COPS6: variants seen among roughly 807,000 people sequenced by gnomAD.
The protein encoded by COPS6 is COP9 signalosome subunit 6.
In COPS6, 9 loss-of-function variants were observed where a neutral mutation model predicts 41.0. The observed-to-expected ratio is 0.22, with a 90% CI of 0.13 to 0.38. COPS6 has a LOEUF of 0.38. Among genes scored for constraint, COPS6 ranks in the 10% least tolerant of loss-of-function variants. The pLI, the probability that COPS6 is intolerant of heterozygous loss-of-function variation, is 1.00. For missense variants in COPS6, 302 were observed against 436.7 expected, an observed-to-expected ratio of 0.69 and a Z score of 2.75; for synonymous variants, 179 against 162.9, an observed-to-expected ratio of 1.10 and a Z score of -0.75.
chr7:100,089,408 T>C lies in COPS6; in HGVS notation c.195T>C (p.Pro65=). The C allele has an allele frequency of 6.2e-7, 1 of 1,614,124 alleles. No individual in the cohort carries two copies. The highest frequency in any genetic ancestry group is 8.5e-7 in the Non-Finnish European group (1 of 1,180,024). ...WIRMRSQEGR[P]VQVIGALIGK... is the part of the protein sequence containing the mutation. Reference sequence around the variant, plus strand: ...GCATGCGCTCCCAGGAGGGGCGGCCTGTGCAGGGTGAGTGTTGGGCATAGA... The same window carrying C: ...GCATGCGCTCCCAGGAGGGGCGGCCCGTGCAGGGTGAGTGTTGGGCATAGA... The change falls in exon 2 of 10, where the codon CCT becomes CCC. Residue 65 remains proline (P), a synonymous_variant. Transcript: ENST00000303904.
chr7:100,090,668 C>T lies in COPS6; in HGVS notation c.486+14C>T. The T allele has an allele frequency of 6.2e-7, 1 of 1,610,066 alleles. No homozygotes were observed. Among genetic ancestry groups the T allele is most frequent in the Non-Finnish European group, 8.5e-7 (1 of 1,176,318 alleles). On this transcript the variant is annotated intron_variant, in intron 5 of 9. Coordinates refer to ENST00000303904, the MANE Select transcript of COPS6 (RefSeq NM_006833.5). The stretch of plus-strand genomic sequence containing the variant: ...AAGCACACAGATGTGAGTAATACTC[C>T]ATGCCTACTCTGTCATGATTGTCGC...
chr7:100,089,573 G>C, intron 2 of COPS6, 42 bp from the exon 3 acceptor site: 1 of 1,604,430 alleles, frequency 6.2e-7, no homozygotes, highest in South Asian at 1.1e-5. Flanking sequence ...GGTCATAGAA[G>C]TTTCTTTACC....
Position 100,088,989 on chromosome 7 carries a change from A to G in COPS6, c.-2A>G. ...GGGCCGAGGCTGGCGGGCGCGGGGA[A>G]AATGGCGGCGGCGGCGGCGGCGGCT... On this transcript the variant is annotated 5_prime_UTR_variant, in exon 1 of 10. Transcript: ENST00000303904. 7.6e-7 allele frequency: 1 copy of G among 1,309,590 alleles called. No homozygotes were observed. The highest frequency in any genetic ancestry group is 2.5e-5 in the South Asian group (1 of 39,348). The allele number at this position is 1,309,590 out of a possible 1,614,324, so 81.1% of individuals were successfully genotyped here.
Position 100,091,430 on chromosome 7 carries a change from C to G in COPS6, c.753C>G (p.Pro251=), listed in dbSNP as rs771143512. The change falls in exon 9 of 10, where the codon CCC becomes CCG. Residue 251 remains proline (P), a synonymous_variant. Transcript: ENST00000303904. This position sits in a 1 kb window ranked among gnomAD's most constrained non-coding sequence, Gnocchi z 4.1. The part of the protein sequence containing the change: ...YVKASEAGEV[P]FNHEILREAY... Reference sequence around the variant, plus strand: ...TTTTTGTGCCTTTAGGAGAGGTCCCCTTTAATCATGAGATCCTGCGGGAGG... The same window carrying G: ...TTTTTGTGCCTTTAGGAGAGGTCCCGTTTAATCATGAGATCCTGCGGGAGG... The G allele has an allele frequency of 1.9e-6, 3 of 1,614,186 alleles. No homozygotes were observed. The highest frequency in any genetic ancestry group is 2.5e-6 in the Non-Finnish European group (3 of 1,180,002).
chr7:100,091,511 T>G lies in COPS6; in HGVS notation c.834T>G (p.Asp278Glu). The change falls in exon 9 of 10, where the codon GAT becomes GAG. Residue 278 changes from aspartate (D) to glutamate (E), a missense_variant. This residue lies in a region of COPS6 where 222 missense variants were observed against 309.0 expected (regional missense o/e 0.72). Coordinates refer to ENST00000303904, the MANE Select transcript of COPS6 (RefSeq NM_006833.5). This position sits in a 1 kb window ranked among gnomAD's most constrained non-coding sequence, Gnocchi z 4.1. ...TCAGCACAGACAAGTTCAAGACAGATTTTTATGATGTGAGTGTAAAACCCG... is the reference window on the plus strand; with the variant it reads ...TCAGCACAGACAAGTTCAAGACAGAGTTTTATGATGTGAGTGTAAAACCCG... ...PVLSTDKFKT[D>E]FYDQCNDVGL... is the part of the protein sequence containing the mutation. 1 of 1,614,128 alleles carries G rather than the reference T, an allele frequency of 6.2e-7. No individual in the cohort carries two copies. The highest frequency in any genetic ancestry group is 8.5e-7 in the Non-Finnish European group (1 of 1,179,984).
In COPS6 at chr7:100,091,165, A is replaced by T. The variant is rs1795310603; in HGVS notation, c.649+13A>T. ...GAGAACTCCACTGGTAATGGAGGGG[A>T]TTCCTTGGAAGTGGGGTTGGAAGGT... On this transcript the variant is annotated intron_variant, in intron 7 of 9. Transcript: ENST00000303904. The surrounding 1 kb of genome is among the most constrained non-coding windows in gnomAD (Gnocchi z 4.1). 2 of 1,613,790 alleles carry T rather than the reference A, an allele frequency of 1.2e-6. No individual in the cohort carries two copies. Among genetic ancestry groups the T allele is most frequent in the Non-Finnish European group, 1.7e-6 (2 of 1,179,704 alleles).
Position 100,089,381 on chromosome 7 carries a change from C to T in COPS6, c.168C>T (p.Ile56=), listed in dbSNP as rs369283004. The T allele has an allele frequency of 1.9e-6, 3 of 1,614,016 alleles. No individual in the cohort carries two copies. Among genetic ancestry groups the T allele is most frequent in the Non-Finnish European group, 2.5e-6 (3 of 1,180,034 alleles). ...TTCTCAACATCTCAGACCACTGGATCCGCATGCGCTCCCAGGAGGGGCGGC... is the reference window on the plus strand; with the variant it reads ...TTCTCAACATCTCAGACCACTGGATTCGCATGCGCTCCCAGGAGGGGCGGC... ...LVILNISDHW[I]RMRSQEGRPV... is the part of the protein sequence containing the mutation. Residue 56 remains isoleucine (I), a synonymous_variant, in exon 2 of 10, where the codon ATC becomes ATT. Coordinates refer to ENST00000303904, the MANE Select transcript of COPS6 (RefSeq NM_006833.5).
Position 100,091,839 on chromosome 7 carries a change from G to C in COPS6, c.*50G>C. On this transcript the variant is annotated 3_prime_UTR_variant, in exon 10 of 10. Transcript: ENST00000303904. The surrounding 1 kb of genome is among the most constrained non-coding windows in gnomAD (Gnocchi z 4.1). ...ACAGGGGTCAGGCAACTATCCCAAA[G>C]GGGAGGGCACTACACTTCCTTGAGA... 1 of 1,611,790 alleles carries C rather than the reference G, an allele frequency of 6.2e-7. No individual in the cohort carries two copies. Among genetic ancestry groups the C allele is most frequent in the Non-Finnish European group, 8.5e-7 (1 of 1,178,148 alleles).
rs1299035253 is a variant in COPS6, at chr7:100,091,809, G to GAT, written c.*21_*22dup. On this transcript the variant is annotated 3_prime_UTR_variant, in exon 10 of 10. Coordinates refer to ENST00000303904, the MANE Select transcript of COPS6 (RefSeq NM_006833.5). This position sits in a 1 kb window ranked among gnomAD's most constrained non-coding sequence, Gnocchi z 4.1. The stretch of plus-strand genomic sequence containing the variant: ...TTCTGATGAGGGTACTTGAAGGGCT[G>GAT]ATGGACAGGGGTCAGGCAACTATCC... 1 of 1,614,020 alleles carries GAT rather than the reference G, an allele frequency of 6.2e-7. No individual in the cohort carries two copies. Among genetic ancestry groups the GAT allele is most frequent in the Non-Finnish European group, 8.5e-7 (1 of 1,179,968 alleles).
At position 100,091,109 on chromosome 7, in the gene COPS6, C is replaced by T. The variant is rs141931608; in HGVS notation, c.606C>T (p.His202=). The T allele has an allele frequency of 8.4e-4, 1,357 of 1,614,228 alleles. 2 individuals carry two copies. Among genetic ancestry groups the T allele is most frequent in the Non-Finnish European group, 1.1e-3 (1,272 of 1,180,042 alleles). ...AAGCGGAACGCATTGGTGTAGACCA[C>T]GTAGCCCGAATGACAGCAACAGGCA... ...TEEAERIGVD[H]VARMTATGSG... is the part of the protein sequence containing the mutation. The change falls in exon 7 of 10, where the codon CAC becomes CAT. Residue 202 remains histidine, a synonymous_variant. Coordinates refer to ENST00000303904, the MANE Select transcript of COPS6 (RefSeq NM_006833.5). The surrounding 1 kb of genome is among the most constrained non-coding windows in gnomAD (Gnocchi z 4.1).
chr7:100,091,747 C>T lies in COPS6; in HGVS notation c.942C>T (p.Asp314=). The part of the protein sequence containing the change: ...QFVNKFNVLY[D]RQGIGRRMRG... ...TGAACAAGTTCAATGTCCTCTACGA[C>T]CGACAAGGCATCGGCAGGAGAATGC... The change falls in exon 10 of 10, where the codon GAC becomes GAT. Residue 314 remains aspartate (D), a synonymous_variant. Transcript: ENST00000303904. This position sits in a 1 kb window ranked among gnomAD's most constrained non-coding sequence, Gnocchi z 4.1. 1 of 1,614,220 alleles carries T rather than the reference C, an allele frequency of 6.2e-7. No homozygotes were observed. The highest frequency in any genetic ancestry group is 1.1e-5 in the South Asian group (1 of 91,076).
At position 100,091,674 on chromosome 7, in the gene COPS6, C is replaced by T; in HGVS notation, c.869C>T (p.Ala290Val). ...CAATGCAACGACGTGGGGCTCATGG[C>T]CTACCTCGGCACCATCACCAAAACG... is the stretch of plus-strand genomic sequence containing the variant. ...YDQCNDVGLMAYLGTITKTCN... is the reference protein window; with the variant it reads ...YDQCNDVGLMVYLGTITKTCN... Residue 290 changes from alanine (A) to valine (V), a missense_variant, in exon 10 of 10, where the codon GCC becomes GTC. Coordinates refer to ENST00000303904, the MANE Select transcript of COPS6 (RefSeq NM_006833.5). This position sits in a 1 kb window ranked among gnomAD's most constrained non-coding sequence, Gnocchi z 4.1. The T allele has an allele frequency of 1.2e-6, 2 of 1,614,216 alleles. No homozygotes were observed. The highest frequency in any genetic ancestry group is 1.7e-6 in the Non-Finnish European group (2 of 1,180,042).
rs1367570179 is a variant in COPS6, at chr7:100,091,137, G to A, written c.634G>A (p.Gly212Arg). Residue 212 changes from glycine to arginine, a missense_variant, in exon 7 of 10, where the codon GGA becomes AGA. Around this residue, in one of 3 missense-constraint regions of COPS6, gnomAD observed 222 missense variants for 309.0 expected, o/e 0.72. Coordinates refer to ENST00000303904, the MANE Select transcript of COPS6 (RefSeq NM_006833.5). This position sits in a 1 kb window ranked among gnomAD's most constrained non-coding sequence, Gnocchi z 4.1. ...AGCCCGAATGACAGCAACAGGCAGT[G>A]GAGAGAACTCCACTGGTAATGGAGG... is the stretch of plus-strand genomic sequence containing the variant. ...HVARMTATGS[G>R]ENSTVAEHLI... The A allele has an allele frequency of 6.2e-7, 1 of 1,614,228 alleles. No homozygotes were observed. The highest frequency in any genetic ancestry group is 8.5e-7 in the Non-Finnish European group (1 of 1,180,044).
In COPS6 at chr7:100,091,557, G is replaced by A; in HGVS notation, c.843+37G>A. 3 of 1,613,822 alleles carry A rather than the reference G, an allele frequency of 1.9e-6. No homozygotes were observed. The highest frequency in any genetic ancestry group is 2.5e-6 in the Non-Finnish European group (3 of 1,179,714). On this transcript the variant is annotated intron_variant, in intron 9 of 9. Transcript: ENST00000303904. This position sits in a 1 kb window ranked among gnomAD's most constrained non-coding sequence, Gnocchi z 4.1. ...ACCCGGATGGGGAGGCGGGGCTTATGCTGTCACTTTCACGTGCAGGACTGG... is the reference window on the plus strand; with the variant it reads ...ACCCGGATGGGGAGGCGGGGCTTATACTGTCACTTTCACGTGCAGGACTGG...
At chr7:100,090,067 A>G in intron 3 of COPS6, 1 of 437,458 alleles carries the variant, frequency 2.3e-6, no homozygotes, top group Non-Finnish European at 4.2e-6. Context: ...TTACTATGTC[A>G]GGCCGGGCTC....
At chr7:100,090,145 C>G in intron 3 of COPS6, 1 of 501,184 alleles carries the variant, frequency 2.0e-6, no homozygotes, top group South Asian at 2.2e-5. Flanking sequence ...GTCAGGAGTT[C>G]AAGACCAGCC....
chr7:100,090,888 C>T lies in COPS6; in HGVS notation c.487-14C>T, dbSNP rs764413884. 3.0e-5 allele frequency: 48 copies of T among 1,613,958 alleles called. No individual in the cohort carries two copies. The highest frequency in any genetic ancestry group is 2.3e-4 in the South Asian group (21 of 91,090). On this transcript the variant is annotated splice_polypyrimidine_tract_variant and intron_variant, in intron 5 of 9. Coordinates refer to ENST00000303904, the MANE Select transcript of COPS6 (RefSeq NM_006833.5). ...TTGGCATATAGTGTTCAGGTTTCTC[C>T]GTCTCCTTCACAGCTTCCTGTCAGC...
At position 100,089,009 on chromosome 7, in the gene COPS6, GC is replaced by G. The variant is rs1795273302; in HGVS notation, c.20del (p.Ala7GlyfsTer20). On this transcript the variant is annotated frameshift_variant, in exon 1 of 10. Coordinates refer to ENST00000303904, the MANE Select transcript of COPS6 (RefSeq NM_006833.5). LOFTEE classifies it high-confidence loss of function. MAAAAA[A>X]AAATNGTGGS... The stretch of plus-strand genomic sequence containing the variant: ...GGGGAAAATGGCGGCGGCGGCGGCG[GC>G]GGCTGCAGCTACGAACGGGACCGGA... The G allele has an allele frequency of 7.6e-7, 1 of 1,313,394 alleles. No individual in the cohort carries two copies. The highest frequency in any genetic ancestry group is 9.7e-7 in the Non-Finnish European group (1 of 1,028,412). 81.4% of individuals were successfully genotyped at this position (1,313,394 alleles called of 1,614,324 possible).
chr7:100,090,263 G>A (rs1795292567), intron 3 of COPS6, 136 bp from the exon 4 acceptor site: 1 of 648,428 alleles, frequency 1.5e-6, no homozygotes, highest in East Asian at 2.7e-5. Context: ...CAGGAGAATT[G>A]CTTGAACCTG....
Sources: gnomAD v4.1 joint callset for allele counts on GRCh38, gnomAD v4.1.1 for gene constraint, gnomAD v4.1.1 regional missense constraint, Gnocchi (gnomAD v3.1) non-coding constraint, MANE v1.5 for transcripts, NCBI Gene and HGNC (gene_info 2026-07-23, HGNC 2026-07-21) for gene names.